The following PLCB1 variants were observed in gnomAD, a reference collection of about 807,000 sequenced individuals.
PLCB1 encodes phospholipase C beta 1, also known as 1-phosphatidylinositol 4,5-bisphosphate phosphodiesterase beta-1.
Under a neutral mutation model 161.8 loss-of-function variants are expected in PLCB1, and 46 were observed. The ratio of observed to expected loss-of-function variants is 0.28; its 90% CI spans 0.22 to 0.36. PLCB1 has a LOEUF of 0.36. Ranked by LOEUF, PLCB1 falls within the 10% of genes least tolerant of loss-of-function variation. The pLI, the probability that PLCB1 is intolerant of heterozygous loss-of-function variation, is 1.00. For missense variants in PLCB1, 1,016 were observed against 1,472.5 expected, an observed-to-expected ratio of 0.69 and a Z score of 5.07; for synonymous variants, 517 against 503.7, an observed-to-expected ratio of 1.03 and a Z score of -0.35.
At chr20:8,529,793 T>C (rs917786867) in intron 3 of PLCB1, among the ~76,000 whole-genome samples, 2 of 152,112 alleles carry the variant, frequency 1.3e-5, no homozygotes, top group Non-Finnish European at 2.9e-5. Flanking sequence ...CTTTTTTTGC[T>C]ATTTCCAACA....
intron 25 of PLCB1, 97 bp from the exon 26 acceptor site, chr20:8,765,042 A>G: frequency 2.2e-6 from 2 of 920,656 alleles, no homozygotes; most frequent in Non-Finnish European, 3.3e-6. Flanking sequence ...CTAGCTGGGC[A>G]AGATCAACCA....
chr20:8,539,631 T>TCTTTCTTTC (rs1491457160), intron 3 of PLCB1, among the ~76,000 whole-genome samples: 2 of 72,010 alleles, frequency 2.8e-5, no homozygotes, highest in African/African-American at 1.3e-4. Flanking sequence ...TTTCTTTCTT[T>TCTTTCTTTC]CTTTCTTTCT....
In PLCB1 at chr20:8,136,007, T is replaced by TTTCA. The variant is rs1436029080; in HGVS notation, c.99+3257_99+3258insTTCA. 2.0e-5 allele frequency among the ~76,000 whole-genome samples: 3 copies of TTTCA among 152,196 alleles called. No individual in the cohort carries two copies. In the East Asian group the frequency reaches 5.8e-4, roughly 29 times the overall value. ...GGACATGGAGAGAAAGAGCAAGGAC[T>TTTCA]GTAAACTGTACAATAGGACCCCCAG... On this transcript the variant is annotated intron_variant, in intron 1 of 31. Coordinates refer to ENST00000338037, the MANE Select transcript of PLCB1 (RefSeq NM_015192.4).
At position 8,646,087 on chromosome 20, in the gene PLCB1, A is replaced by C. The variant is rs775298582; in HGVS notation, c.385-15A>C. 1.3e-6 allele frequency: 2 copies of C among 1,578,548 alleles called. No homozygotes were observed. The highest frequency in any genetic ancestry group is 1.7e-6 in the Non-Finnish European group (2 of 1,147,538). ...CAGTATTTAAGCTAATGCAAGTGTTATTTACATTTTTCAGGAATGGACAAA... is the reference window on the plus strand; with the variant it reads ...CAGTATTTAAGCTAATGCAAGTGTTCTTTACATTTTTCAGGAATGGACAAA... On this transcript the variant is annotated splice_polypyrimidine_tract_variant and intron_variant, in intron 4 of 31. Coordinates refer to ENST00000338037, the MANE Select transcript of PLCB1 (RefSeq NM_015192.4).
At chr20:8,781,006 T>C (rs1044018848) in intron 27 of PLCB1, among the ~76,000 whole-genome samples, 6 of 152,238 alleles carry the variant, frequency 3.9e-5, no homozygotes, top group Admixed American at 2.0e-4. Context: ...TTTTTATATC[T>C]TGCTACAGCT....
chr20:8,647,944 C>G lies in PLCB1; in HGVS notation c.509C>G (p.Pro170Arg). 2 of 1,566,724 alleles carry G rather than the reference C, an allele frequency of 1.3e-6. No homozygotes were observed. The highest frequency in any genetic ancestry group is 1.7e-6 in the Non-Finnish European group (2 of 1,161,716). The change falls in exon 6 of 32, where the codon CCT becomes CGT. Residue 170 changes from proline (P) to arginine (R), a missense_variant. This residue lies in a region of PLCB1 where 181 missense variants were observed against 236.7 expected (regional missense o/e 0.76). Coordinates refer to ENST00000338037, the MANE Select transcript of PLCB1 (RefSeq NM_015192.4). ...KLQVTPEGRIPLKNIYRLFSA... is the reference protein window; with the variant it reads ...KLQVTPEGRIRLKNIYRLFSA... Reference sequence around the variant, plus strand: ...CAAGTCACTCCAGAAGGGCGTATTCCTCTCAAAAAGTAAGCTTTGTGAGCA... The same window carrying G: ...CAAGTCACTCCAGAAGGGCGTATTCGTCTCAAAAAGTAAGCTTTGTGAGCA...
intron 9 of PLCB1, among the ~76,000 whole-genome samples, chr20:8,673,113 AAAATAAAT>A (rs145820624): frequency 0.37 from 53,918 of 146,696 alleles, 10,556 homozygotes; most frequent in Admixed American, 0.43. Flanking sequence ...GTCCATCCCA[AAAATAAAT>A]AAATAAATAA....
chr20:8,167,064 A>G (rs561837481), intron 2 of PLCB1, among the ~76,000 whole-genome samples: 10 of 152,162 alleles, frequency 6.6e-5, no homozygotes, highest in Admixed American at 3.3e-4. Context: ...GCATTCGCCA[A>G]TTTCCATGGT....
At chr20:8,197,909 A>G (rs1227237655) in intron 2 of PLCB1, among the ~76,000 whole-genome samples, 3 of 152,178 alleles carry the variant, frequency 2.0e-5, no homozygotes, top group Non-Finnish European at 2.9e-5. Flanking sequence ...CTATTTGTTA[A>G]ATAGGGAATC....
chr20:8,839,839 T>C (rs1986429466), intron 31 of PLCB1, among the ~76,000 whole-genome samples: 1 of 151,764 alleles, frequency 6.6e-6, no homozygotes, highest in Admixed American at 6.6e-5. Context: ...GAGACCAGGC[T>C]GGCCAACATG....
At chr20:8,870,761 T>C (rs1987581782) in intron 31 of PLCB1, among the ~76,000 whole-genome samples, 1 of 152,186 alleles carries the variant, frequency 6.6e-6, no homozygotes, top group Non-Finnish European at 1.5e-5. Context: ...AACAGCCTTA[T>C]CAACACTTTG....
chr20:8,858,618 T>C, intron 31 of PLCB1, among the ~76,000 whole-genome samples: 1 of 152,216 alleles, frequency 6.6e-6, no homozygotes, highest in South Asian at 2.1e-4. Flanking sequence ...CTGGGGTCAC[T>C]TCCACTGATG....
intron 31 of PLCB1, among the ~76,000 whole-genome samples, chr20:8,873,172 A>G (rs199868384): frequency 2.9e-5 from 3 of 104,978 alleles, no homozygotes; most frequent in Non-Finnish European, 6.2e-5. Context: ...GTCACTTTCC[A>G]ACAATCCTTG....
chr20:8,614,243 G>C (rs956416683), intron 3 of PLCB1, among the ~76,000 whole-genome samples: 1 of 151,956 alleles, frequency 6.6e-6, no homozygotes, highest in African/African-American at 2.4e-5. Flanking sequence ...CATGCTGTAG[G>C]TACGATAAGT....
At chr20:8,614,367 C>CACACCCAT (rs1600192945) in intron 3 of PLCB1, among the ~76,000 whole-genome samples, 1 of 151,966 alleles carries the variant, frequency 6.6e-6, no homozygotes, top group African/African-American at 2.4e-5. Flanking sequence ...CACATACACA[C>CACACCCAT]ACACAGATGC....
intron 2 of PLCB1, among the ~76,000 whole-genome samples, chr20:8,330,182 C>G: frequency 6.6e-6 from 1 of 152,138 alleles, no homozygotes; most frequent in East Asian, 1.9e-4. Context: ...TTTATAATTG[C>G]TTATCACGTG....
intron 2 of PLCB1, among the ~76,000 whole-genome samples, chr20:8,244,543 G>A (rs78799887): frequency 0.023 from 3,539 of 151,860 alleles, 150 homozygotes; most frequent in African/African-American, 0.08. Flanking sequence ...ATTGAAGCTG[G>A]TAGACATCAG....
chr20:8,718,787 A>G (rs958045451), intron 14 of PLCB1, among the ~76,000 whole-genome samples: 1 of 152,226 alleles, frequency 6.6e-6, no homozygotes, highest in Non-Finnish European at 1.5e-5. Flanking sequence ...AATAGTCTTC[A>G]GAGTGACCAT....
chr20:8,733,974 A>C (rs1291220017), intron 19 of PLCB1, among the ~76,000 whole-genome samples: 1 of 147,688 alleles, frequency 6.8e-6, no homozygotes, highest in Non-Finnish European at 1.5e-5. Flanking sequence ...TACAAAAAAA[A>C]ACAATTAGCC....
Sources: gnomAD v4.1 joint callset for allele counts (sites outside exome capture counted in the v4.1 genomes callset) on GRCh38, gnomAD v4.1.1 for gene constraint, gnomAD v4.1.1 regional missense constraint, MANE v1.5 for transcripts, NCBI Gene and HGNC (gene_info 2026-07-23, HGNC 2026-07-21) for gene names.